MN1: variants seen among roughly 807,000 people sequenced by gnomAD.
The protein encoded by MN1 is MN1 proto-oncogene, transcriptional regulator.
In MN1, 19 loss-of-function variants were observed where a neutral mutation model predicts 86.9. The ratio of observed to expected loss-of-function variants is 0.22; its 90% CI spans 0.15 to 0.32. The LOEUF is 0.32. MN1 is among the 10% of genes least tolerant of loss of function. MN1 has a pLI of 1.00. For missense variants in MN1, 1,841 were observed against 1,862.0 expected (o/e 0.99, Z 0.21); for synonymous variants, 928 against 849.6 (o/e 1.09, Z -1.60).
chr22:27,777,631 G>T (rs1156312181), intron 1 of MN1, among the ~76,000 whole-genome samples: 1 of 151,856 alleles, frequency 6.6e-6, no homozygotes, highest in Non-Finnish European at 1.5e-5. Flanking sequence ...GGCCAAGGTG[G>T]GCAGATCACT....
rs1011244214 is a variant in MN1 at position 27,796,166 on chromosome 22, G to A, written c.3781+597C>T. On this transcript the variant is annotated intron_variant, in intron 1 of 1. Transcript: ENST00000302326. The stretch of plus-strand genomic sequence containing the variant: ...TTTTCAATGAAACTCTGATAGTTAA[G>A]AAGAGACAAAATAGCTATTCATTAG... 7.9e-5 allele frequency among the ~76,000 whole-genome samples: 12 copies of A among 152,166 alleles called. No individual in the cohort carries two copies. In the South Asian group the frequency reaches 2.5e-3, roughly 32 times the overall value.
chr22:27,799,638 C>G lies in MN1; in HGVS notation c.906G>C (p.Gln302His). 6.5e-7 allele frequency: 1 copy of G among 1,528,012 alleles called. No individual in the cohort carries two copies. The highest frequency in any genetic ancestry group is 8.8e-7 in the Non-Finnish European group (1 of 1,136,106). The allele number at this position is 1,528,012 out of a possible 1,614,324, so 94.7% of individuals were successfully genotyped here. The change falls in exon 1 of 2, where the codon CAG (glutamine) becomes CAC (histidine). Residue 302 changes from glutamine (Q) to histidine (H), a missense_variant. Gln to His is a conservative substitution (Grantham distance 24). Transcript: ENST00000302326. ...PPQQQPQQQQ[Q>H]PQQQQQQHGV... ...CATGCTGCTGCTGCTGCTGCTGGGG[C>G]TGCTGCTGCTGCTGGGGCTGCTGCT...
intron 1 of MN1, among the ~76,000 whole-genome samples, chr22:27,760,045 T>C (rs527725890): frequency 6.6e-6 from 1 of 152,116 alleles, no homozygotes; most frequent in Admixed American, 6.6e-5. Context: ...CTCTATAAAA[T>C]TTTTTTAAAT....
chr22:27,800,310 C>T lies in MN1; in HGVS notation c.234G>A (p.Leu78=). 6.3e-7 allele frequency: 1 copy of T among 1,577,942 alleles called. No individual in the cohort carries two copies. Among genetic ancestry groups the T allele is most frequent in the South Asian group, 1.2e-5 (1 of 84,860 alleles). ...GCTGCGCTTGCAGCCCCCCTGCGTG[C>T]AACTCCGAGTGGCCGCGCGCGTGGA... ...YGFHARGHSE[L]HAGGLQAQPV... is the part of the protein sequence containing the mutation. Residue 78 remains leucine, a synonymous_variant, in exon 1 of 2, where the codon TTG becomes TTA. Transcript: ENST00000302326.
intron 1 of MN1, among the ~76,000 whole-genome samples, chr22:27,794,749 C>A (rs1309411953): frequency 6.6e-6 from 1 of 152,016 alleles, no homozygotes; most frequent in African/African-American, 2.4e-5. Flanking sequence ...TCTATGAAGG[C>A]CCTTTAAAAG....
At chr22:27,794,342 A>G (rs1297569368) in intron 1 of MN1, among the ~76,000 whole-genome samples, 2 of 152,224 alleles carry the variant, frequency 1.3e-5, no homozygotes, top group African/African-American at 2.4e-5. Flanking sequence ...CCCCAAGGCT[A>G]CAGAAGCTTC....
intron 1 of MN1, among the ~76,000 whole-genome samples, chr22:27,754,776 C>G (rs756293141): frequency 6.6e-6 from 1 of 152,182 alleles, no homozygotes; most frequent in African/African-American, 2.4e-5. Context: ...CCAGCCCCCA[C>G]GCCAGGACCC....
Position 27,800,317 on chromosome 22 carries a change from G to A in MN1, c.227C>T (p.Ser76Leu), listed in dbSNP as rs772911698. The A allele has an allele frequency of 6.3e-7, 1 of 1,579,836 alleles. No homozygotes were observed. Among genetic ancestry groups the A allele is most frequent in the Non-Finnish European group, 8.6e-7 (1 of 1,162,464 alleles). Residue 76 changes from serine (S) to leucine (L), a missense_variant, in exon 1 of 2, where the codon TCG becomes TTG. By Grantham distance (145) the Ser-to-Leu change is moderately radical. Transcript: ENST00000302326. ...TTGCAGCCCCCCTGCGTGCAACTCC[G>A]AGTGGCCGCGCGCGTGGAAGCCGTA... The part of the protein sequence containing the change: ...EPYGFHARGH[S>L]ELHAGGLQAQ...
chr22:27,758,823 G>A (rs1019523061), intron 1 of MN1, among the ~76,000 whole-genome samples: 1 of 152,122 alleles, frequency 6.6e-6, no homozygotes, highest in Non-Finnish European at 1.5e-5. Flanking sequence ...TATAGTCACA[G>A]GTTTTTGTTT....
chr22:27,779,354 C>A (rs1211541112), intron 1 of MN1, among the ~76,000 whole-genome samples: 3 of 152,162 alleles, frequency 2.0e-5, no homozygotes, highest in Non-Finnish European at 2.9e-5. Context: ...CACGGCCTTG[C>A]CCCAATCACA....
At chr22:27,770,331 A>C (rs1175897179) in intron 1 of MN1, among the ~76,000 whole-genome samples, 3 of 152,212 alleles carry the variant, frequency 2.0e-5, no homozygotes, top group Admixed American at 2.0e-4. Context: ...AAAGGCAGCC[A>C]TTTCCAGGTT....
chr22:27,773,476 C>T (rs750028529), intron 1 of MN1, among the ~76,000 whole-genome samples: 5 of 152,108 alleles, frequency 3.3e-5, no homozygotes, highest in Non-Finnish European at 7.4e-5. Context: ...GGGAGTGCAC[C>T]GTGCAGAGCC....
chr22:27,778,935 G>T (rs1197034671), intron 1 of MN1, among the ~76,000 whole-genome samples: 9 of 152,192 alleles, frequency 5.9e-5, no homozygotes, highest in Admixed American at 4.6e-4. Context: ...GGATAAGGGA[G>T]GAAGAAATGA....
At chr22:27,776,754 C>T (rs545627665) in intron 1 of MN1, among the ~76,000 whole-genome samples, 6 of 152,188 alleles carry the variant, frequency 3.9e-5, no homozygotes, top group Admixed American at 1.3e-4. Flanking sequence ...CGCCCCAACT[C>T]GGGCGGACGC....
chr22:27,750,015 C>T lies in MN1; in HGVS notation c.*900G>A, dbSNP rs760733476. 36 of 232,302 alleles carry T rather than the reference C, an allele frequency of 1.5e-4. No individual in the cohort carries two copies. The highest frequency in any genetic ancestry group is 2.9e-4 in the Non-Finnish European group (34 of 117,502). The allele number at this position is 232,302 out of a possible 1,614,324, so 14.4% of individuals were successfully genotyped here. A position where few individuals can be genotyped will look rare whatever the true frequency, so the allele number is the denominator to read the frequency against. On this transcript the variant is annotated 3_prime_UTR_variant, in exon 2 of 2. Transcript: ENST00000302326. ...ACTGCAGGCTGGGAGCACACCATCC[C>T]CCATGCAGACCAAAGGCTGCTTAGC...
Position 27,797,335 on chromosome 22 carries a change from ACTAGTGC to A in MN1, c.3202_3208del (p.Ala1068LeufsTer9), listed in dbSNP as rs1453700211. 6.2e-7 allele frequency: 1 copy of A among 1,606,184 alleles called. No individual in the cohort carries two copies. The highest frequency in any genetic ancestry group is 1.3e-5 in the African/African-American group (1 of 74,904). Reference sequence around the variant, plus strand: ...CACCAGGGGACTCCTGCTCGCTTTAACTAGTGCCTGGGGGTTGTCAGAGCTGGACGAC... The same window carrying A: ...CACCAGGGGACTCCTGCTCGCTTTAACTGGGGGTTGTCAGAGCTGGACGAC... On this transcript the variant is annotated frameshift_variant, in exon 1 of 2. Transcript: ENST00000302326. LOFTEE classifies it high-confidence loss of function.
intron 1 of MN1, among the ~76,000 whole-genome samples, chr22:27,768,437 C>T (rs1175765590): frequency 6.6e-6 from 1 of 152,178 alleles, no homozygotes; most frequent in Non-Finnish European, 1.5e-5. Flanking sequence ...TTCCAGCTGC[C>T]TGTGGGTAGA....
Position 27,750,888 on chromosome 22 carries a change from G to A in MN1, c.*27C>T, listed in dbSNP as rs1373845723. 1 of 1,550,650 alleles carries A rather than the reference G, an allele frequency of 6.4e-7. No homozygotes were observed. Among genetic ancestry groups the A allele is most frequent in the Non-Finnish European group, 8.8e-7 (1 of 1,140,446 alleles). ...ACAGACAGGGGGAGAGGAAGGGCCTGGTAGAGGAGGGGATCTTTCTTGTCA... is the reference window on the plus strand; with the variant it reads ...ACAGACAGGGGGAGAGGAAGGGCCTAGTAGAGGAGGGGATCTTTCTTGTCA... On this transcript the variant is annotated 3_prime_UTR_variant, in exon 2 of 2. Coordinates refer to ENST00000302326, the MANE Select transcript of MN1 (RefSeq NM_002430.3).
intron 1 of MN1, among the ~76,000 whole-genome samples, chr22:27,768,337 C>T (rs986856501): frequency 2.0e-5 from 3 of 152,130 alleles, no homozygotes; most frequent in Non-Finnish European, 4.4e-5. Context: ...GAGAACCAGG[C>T]CCCCAGGGAG....
Sources: gnomAD v4.1 joint callset for allele counts (sites outside exome capture counted in the v4.1 genomes callset) on GRCh38, gnomAD v4.1.1 for gene constraint, MANE v1.5 for transcripts, NCBI Gene and HGNC (gene_info 2026-07-23, HGNC 2026-07-21) for gene names.